NCKAP1L: variants seen among roughly 807,000 people sequenced by gnomAD.
The protein encoded by NCKAP1L is NCK associated protein 1 like, also known as nck-associated protein 1-like.
A neutral mutation model predicts 139.2 loss-of-function variants in NCKAP1L; 53 were observed. That is an observed-to-expected ratio of 0.38 (90% CI 0.31 to 0.48). NCKAP1L has a LOEUF of 0.48. NCKAP1L is among the 20% of genes least tolerant of loss of function. The pLI is 0.98. For missense variants in NCKAP1L, 1,151 were observed against 1,381.9 expected (o/e 0.83, Z 2.65); for synonymous variants, 468 against 499.7 (o/e 0.94, Z 0.85).
intron 5 of NCKAP1L, among the ~76,000 whole-genome samples, chr12:54,509,277 G>A (rs1565673861): frequency 3.3e-5 from 5 of 152,112 alleles, no homozygotes; most frequent in Admixed American, 6.5e-5. Context: ...ACATGCCTAC[G>A]TGGATACCTA....
At chr12:54,532,605 G>A (rs766832468) in intron 26 of NCKAP1L, among the ~76,000 whole-genome samples, 1 of 152,098 alleles carries the variant, frequency 6.6e-6, no homozygotes, top group Non-Finnish European at 1.5e-5. Flanking sequence ...TTGAGGTTAG[G>A]TACTGTTTAT....
chr12:54,515,024 T>C (rs1165908622), intron 9 of NCKAP1L, among the ~76,000 whole-genome samples: 2 of 152,232 alleles, frequency 1.3e-5, no homozygotes, highest in Non-Finnish European at 1.5e-5. Flanking sequence ...TTTATCTTCA[T>C]GAAAATTCAA....
At position 54,517,526 on chromosome 12, in the gene NCKAP1L, T is replaced by G. The variant is rs774819778; in HGVS notation, c.1096-7T>G. Reference sequence around the variant, plus strand: ...GAAAATTCTAATAGTCTCTACCCCCTCCATAGGCTCTTTTTGCTTTCATGG... The same window carrying G: ...GAAAATTCTAATAGTCTCTACCCCCGCCATAGGCTCTTTTTGCTTTCATGG... On this transcript the variant is annotated splice_polypyrimidine_tract_variant and splice_region_variant and intron_variant, in intron 11 of 30. Transcript: ENST00000293373. The G allele has an allele frequency of 1.2e-6, 2 of 1,603,646 alleles. No homozygotes were observed. The highest frequency in any genetic ancestry group is 8.5e-7 in the Non-Finnish European group (1 of 1,170,604).
At chr12:54,520,236 A>C (rs968209523) in intron 16 of NCKAP1L, among the ~76,000 whole-genome samples, 3 of 152,246 alleles carry the variant, frequency 2.0e-5, no homozygotes, top group Non-Finnish European at 4.4e-5. Context: ...AAAAGAGTAC[A>C]TGAAGTTGAG....
chr12:54,500,416 G>A (rs755169124), intron 2 of NCKAP1L, 117 bp from the exon 3 acceptor site: 43 of 698,614 alleles, frequency 6.2e-5, no homozygotes, highest in Non-Finnish European at 9.1e-5. Context: ...GAGCCACTGC[G>A]CCCGGCCTCA....
Position 54,536,997 on chromosome 12 carries a change from G to T in NCKAP1L, c.3127G>T (p.Ala1043Ser), listed in dbSNP as rs773509685. The change falls in exon 29 of 31, where the codon GCC becomes TCC. Residue 1043 changes from alanine to serine, a missense_variant. Coordinates refer to ENST00000293373, the MANE Select transcript of NCKAP1L (RefSeq NM_005337.5). ...LTKAIIQVSA[A>S]LFTLYNKNIE... ...CAAAGCCATCATCCAGGTGTCTGCTGCCCTCTTCACGCTCTACAACAAGAA... is the reference window on the plus strand; with the variant it reads ...CAAAGCCATCATCCAGGTGTCTGCTTCCCTCTTCACGCTCTACAACAAGAA... The T allele has an allele frequency of 1.9e-6, 3 of 1,613,770 alleles. No homozygotes were observed. Among genetic ancestry groups the T allele is most frequent in the Admixed American group, 1.7e-5 (1 of 60,012 alleles).
chr12:54,519,107 A>T, intron 15 of NCKAP1L, 80 bp from the exon 16 acceptor site: 1 of 1,565,654 alleles, frequency 6.4e-7, no homozygotes, highest in African/African-American at 1.4e-5. Flanking sequence ...AGACATACTC[A>T]GGCCAAACTG....
rs375507993 is a variant in NCKAP1L, at chr12:54,508,541, G to A, written c.506+10G>A. 3.6e-5 allele frequency: 58 copies of A among 1,613,806 alleles called. No individual in the cohort carries two copies. The highest frequency in any genetic ancestry group is 4.3e-5 in the Non-Finnish European group (51 of 1,179,842). On this transcript the variant is annotated intron_variant, in intron 5 of 30. Coordinates refer to ENST00000293373, the MANE Select transcript of NCKAP1L (RefSeq NM_005337.5). The stretch of plus-strand genomic sequence containing the variant: ...TGCTGCATGGGCATGGGTGAGTTAA[G>A]GCGAGAGTATTATATGAAGAGTCTC...
At chr12:54,510,486 T>C in intron 7 of NCKAP1L, 1 of 202,938 alleles carries the variant, frequency 4.9e-6, no homozygotes, top group Non-Finnish European at 1.0e-5. Context: ...CCACCATGGT[T>C]GACTAATTTT....
In NCKAP1L at chr12:54,534,043, G is replaced by T. The variant is rs75140066; in HGVS notation, c.2863-1061G>T. Among the ~76,000 whole-genome samples the T allele has an allele frequency of 4.6e-4, 70 of 152,278 alleles. No homozygotes were observed. The East Asian group carries it at 7.1e-3, about 16-fold the overall frequency. On this transcript the variant is annotated intron_variant, in intron 26 of 30. Coordinates refer to ENST00000293373, the MANE Select transcript of NCKAP1L (RefSeq NM_005337.5). ...ATTGTAAGTACAATGAGACATTCAG[G>T]TATCAATCAATCAATATTTATTGAA...
intron 9 of NCKAP1L, 50 bp downstream of exon 9, chr12:54,512,155 CT>C (rs1293032485): frequency 1.3e-6 from 2 of 1,579,394 alleles, no homozygotes; most frequent in Non-Finnish European, 1.7e-6. Context: ...TTTTTAGCCC[CT>C]CCAATATCCT....
chr12:54,510,714 G>C (rs1250508510), intron 7 of NCKAP1L, among the ~76,000 whole-genome samples: 5 of 151,582 alleles, frequency 3.3e-5, no homozygotes, highest in Non-Finnish European at 7.4e-5. Flanking sequence ...TAGAGACAGG[G>C]TTTCACCATG....
chr12:54,516,267 G>C lies in NCKAP1L; in HGVS notation c.970G>C (p.Glu324Gln). 6.2e-7 allele frequency: 1 copy of C among 1,614,004 alleles called. No individual in the cohort carries two copies. Among genetic ancestry groups the C allele is most frequent in the Non-Finnish European group, 8.5e-7 (1 of 1,179,974 alleles). Residue 324 changes from glutamate to glutamine, a missense_variant, in exon 10 of 31, where the codon GAG becomes CAG. Coordinates refer to ENST00000293373, the MANE Select transcript of NCKAP1L (RefSeq NM_005337.5). Reference protein sequence around the residue: ...GYGKRVADIKESKEHVIANSG... With the variant: ...GYGKRVADIKQSKEHVIANSG... ...TGGCAAGAGAGTGGCAGACATAAAGGAGAGCAAGGAACATGTAATTGCAAA... is the reference window on the plus strand; with the variant it reads ...TGGCAAGAGAGTGGCAGACATAAAGCAGAGCAAGGAACATGTAATTGCAAA...
intron 30 of NCKAP1L, 58 bp downstream of exon 30, chr12:54,539,031 T>G: frequency 1.7e-5 from 24 of 1,419,146 alleles, no homozygotes; most frequent in South Asian, 2.3e-5. Context: ...AGAGGGAGAC[T>G]TCTGTTTAGG....
intron 3 of NCKAP1L, among the ~76,000 whole-genome samples, chr12:54,502,505 C>T (rs999847188): frequency 6.6e-6 from 1 of 152,030 alleles, no homozygotes; most frequent in Non-Finnish European, 1.5e-5. Flanking sequence ...ATTTTCTTAT[C>T]CTTCTCTATT....
intron 26 of NCKAP1L, among the ~76,000 whole-genome samples, chr12:54,533,543 C>T (rs1957090068): frequency 6.6e-6 from 1 of 152,014 alleles, no homozygotes; most frequent in African/African-American, 2.4e-5. Context: ...AGTACCACAG[C>T]AAAGTGTGTG....
chr12:54,545,498 C>T lies in NCKAP1L; in HGVS notation c.*2813C>T, dbSNP rs1957190271. 6.6e-6 allele frequency: 1 copy of T among 152,118 alleles called. No individual in the cohort carries two copies. Among genetic ancestry groups the T allele is most frequent in the Non-Finnish European group, 1.5e-5 (1 of 68,038 alleles). The allele number at this position is 152,118 out of a possible 1,614,324, so 9.4% of individuals were successfully genotyped here. On this transcript the variant is annotated 3_prime_UTR_variant, in exon 31 of 31. Transcript: ENST00000293373. ...ATTGGAGAAGGTGAGGACATGATGG[C>T]CTTTACTACCGGAAGCAAAAAGTGA... is the stretch of plus-strand genomic sequence containing the variant.
chr12:54,527,753 C>G (rs1031213255), intron 21 of NCKAP1L, among the ~76,000 whole-genome samples: 1 of 152,188 alleles, frequency 6.6e-6, no homozygotes, highest in Non-Finnish European at 1.5e-5. Flanking sequence ...CCTCCTCTAC[C>G]CACATTGGCT....
intron 30 of NCKAP1L, among the ~76,000 whole-genome samples, chr12:54,541,900 T>G (rs1467174841): frequency 6.6e-6 from 1 of 152,150 alleles, no homozygotes; most frequent in Non-Finnish European, 1.5e-5. Context: ...CGCTAGGCTA[T>G]GCTGCTCTTC....
Sources: gnomAD v4.1 joint callset for allele counts (sites outside exome capture counted in the v4.1 genomes callset) on GRCh38, gnomAD v4.1.1 for gene constraint, MANE v1.5 for transcripts, NCBI Gene and HGNC (gene_info 2026-07-23, HGNC 2026-07-21) for gene names.